The following IRGM variants were observed in gnomAD, a reference collection of about 807,000 sequenced individuals.
IRGM encodes immunity related GTPase M.
For missense variants in IRGM, 288 were observed against 219.9 expected, an observed-to-expected ratio of 1.31 and a Z score of -1.96; for synonymous variants, 98 against 80.6, an observed-to-expected ratio of 1.22 and a Z score of -1.16.
At position 150,863,166 on chromosome 5, in the gene IRGM, G is replaced by A. The variant is rs114845598; in HGVS notation, c.158+14512G>A. ...AAATTTAGAAAACAGAATTTCATAT[G>A]TGCTTTAGAAAGAGAGACATCTGTG... On this transcript the variant is annotated intron_variant and NMD_transcript_variant, in intron 1 of 3. Coordinates refer to the IRGM transcript ENST00000520549. Among the ~76,000 whole-genome samples the A allele has an allele frequency of 3.4e-3, 518 of 152,312 alleles. 4 individuals carry two copies. The highest frequency in any genetic ancestry group is 0.012 in the African/African-American group (497 of 41,564).
intron 1 of IRGM, among the ~76,000 whole-genome samples, chr5:150,875,932 T>C (rs1317941745): frequency 1.3e-5 from 2 of 152,198 alleles, no homozygotes; most frequent in Non-Finnish European, 2.9e-5. Context: ...GGTTTGCCTA[T>C]CCTGTGTACA....
At chr5:150,890,837 G>A (rs542396307) in intron 3 of IRGM, among the ~76,000 whole-genome samples, 1 of 152,036 alleles carries the variant, frequency 6.6e-6, no homozygotes, top group South Asian at 2.1e-4. Context: ...ATGAGAATGA[G>A]TCACCTTACC....
chr5:150,879,344 A>G (rs1754411616), intron 2 of IRGM, among the ~76,000 whole-genome samples: 1 of 152,238 alleles, frequency 6.6e-6, no homozygotes, highest in Non-Finnish European at 1.5e-5. Flanking sequence ...GTCAATCAGA[A>G]AAATTAGAAA....
At chr5:150,874,176 G>A (rs945120578) in intron 1 of IRGM, among the ~76,000 whole-genome samples, 6 of 152,182 alleles carry the variant, frequency 3.9e-5, no homozygotes, top group African/African-American at 1.4e-4. Context: ...AGCAAGGCCA[G>A]CAATATCCTA....
intron 3 of IRGM, chr5:150,896,079 C>G (rs575599619): frequency 2.5e-6 from 4 of 1,613,452 alleles, no homozygotes; most frequent in Admixed American, 3.3e-5. Context: ...AAAGGCCTTC[C>G]CACACTCTCT....
intron 3 of IRGM, among the ~76,000 whole-genome samples, chr5:150,891,804 C>T (rs770000051): frequency 2.0e-5 from 3 of 152,060 alleles, no homozygotes; most frequent in Non-Finnish European, 2.9e-5. Flanking sequence ...TGAGATTTTC[C>T]GTAGATGTGG....
intron 3 of IRGM, chr5:150,894,288 A>AT (rs755156550): frequency 6.6e-6 from 1 of 152,210 alleles, no homozygotes; most frequent in African/African-American, 2.4e-5. Flanking sequence ...TCTCAAGGCT[A>AT]TACAGGCATT....
chr5:150,866,336 A>C (rs1754208728), intron 1 of IRGM, among the ~76,000 whole-genome samples: 1 of 152,182 alleles, frequency 6.6e-6, no homozygotes, highest in Non-Finnish European at 1.5e-5. Flanking sequence ...ACATTTAGGG[A>C]GAAGAGAAAG....
intron 1 of IRGM, among the ~76,000 whole-genome samples, chr5:150,868,298 T>G (rs561447831): frequency 1.8e-4 from 27 of 152,312 alleles, no homozygotes; most frequent in Non-Finnish European, 3.5e-4. Flanking sequence ...TTGGGTTTAT[T>G]TCTGGGTTCT....
At chr5:150,873,820 A>T (rs932612159) in intron 1 of IRGM, among the ~76,000 whole-genome samples, 1 of 152,192 alleles carries the variant, frequency 6.6e-6, no homozygotes, top group African/African-American at 2.4e-5. Context: ...GCCTCTACCT[A>T]GAAAAATAGT....
chr5:150,887,088 G>T (rs1754536862), intron 3 of IRGM, among the ~76,000 whole-genome samples: 1 of 151,888 alleles, frequency 6.6e-6, no homozygotes, highest in South Asian at 2.1e-4. Context: ...TCTGAATTAG[G>T]TTGAGCTGGC....
At chr5:150,882,785 C>T (rs992062460) in intron 3 of IRGM, among the ~76,000 whole-genome samples, 1 of 152,106 alleles carries the variant, frequency 6.6e-6, no homozygotes, top group Non-Finnish European at 1.5e-5. Flanking sequence ...GACTTCTCTA[C>T]CGCAGCTTCA....
chr5:150,847,223 A>G lies in IRGM; in HGVS notation c.-416+3A>G, dbSNP rs1276536661. 1 of 152,386 alleles carries G rather than the reference A, an allele frequency of 6.6e-6. No homozygotes were observed. The allele number at this position is 152,386 out of a possible 1,614,324, so 9.4% of individuals were successfully genotyped here. ...CGTGTGCTCCCCCGCCTGATGAGGT[A>G]AGTGTTAAACAGGGATGATCACAGC... On this transcript the variant is annotated splice_donor_region_variant and intron_variant, in intron 1 of 1. Coordinates refer to ENST00000522154, the MANE Select transcript of IRGM (RefSeq NM_001145805.2).
At chr5:150,854,786 T>A (rs1754028640) in intron 1 of IRGM, among the ~76,000 whole-genome samples, 1 of 152,114 alleles carries the variant, frequency 6.6e-6, no homozygotes, top group Non-Finnish European at 1.5e-5. Context: ...CCACTATGGG[T>A]CTTTTTGGCT....
At chr5:150,856,924 A>AT (rs1190997016) in intron 1 of IRGM, among the ~76,000 whole-genome samples, 2 of 133,712 alleles carry the variant, frequency 1.5e-5, no homozygotes, top group East Asian at 2.1e-4. Flanking sequence ...TTTATTATTT[A>AT]TTATTTATTA....
At chr5:150,878,705 C>CATAT (rs1754401914) in intron 2 of IRGM, among the ~76,000 whole-genome samples, 1 of 151,708 alleles carries the variant, frequency 6.6e-6, no homozygotes, top group Non-Finnish European at 1.5e-5. Flanking sequence ...ATATTTATTA[C>CATAT]TGTTATAAGG....
intron 3 of IRGM, among the ~76,000 whole-genome samples, chr5:150,891,318 CTTTACA>C (rs1754606915): frequency 6.6e-6 from 1 of 151,896 alleles, no homozygotes; most frequent in African/African-American, 2.4e-5. Context: ...CCATTTATGT[CTTTACA>C]TTTAAAGTGT....
chr5:150,857,520 G>A (rs1254981847), intron 1 of IRGM, among the ~76,000 whole-genome samples: 3 of 150,560 alleles, frequency 2.0e-5, no homozygotes, highest in African/African-American at 7.3e-5. Context: ...TTCCACAATG[G>A]TTGAACTAGT....
chr5:150,868,861 C>A (rs1754241680), intron 1 of IRGM, among the ~76,000 whole-genome samples: 1 of 152,082 alleles, frequency 6.6e-6, no homozygotes, highest in Non-Finnish European at 1.5e-5. Context: ...TCACTGAATT[C>A]ATTTATCAGA....
Sources: gnomAD v4.1 joint callset for allele counts (sites outside exome capture counted in the v4.1 genomes callset) on GRCh38, gnomAD v4.1.1 for gene constraint, MANE v1.5 for transcripts, NCBI Gene and HGNC (gene_info 2026-07-23, HGNC 2026-07-21) for gene names.